TPRG1: variants seen among roughly 807,000 people sequenced by gnomAD.
TPRG1 encodes tumor protein p63 regulated 1.
TPRG1 carries 29 observed loss-of-function variants against 29.3 expected under a neutral mutation model. The ratio of observed to expected loss-of-function variants is 0.99; its 90% CI spans 0.74 to 1.35. TPRG1 has a LOEUF of 1.35. Ranked by LOEUF, TPRG1 falls within the 40% of genes most tolerant of loss-of-function variation. TPRG1 has a pLI of 0.00. For synonymous variants in TPRG1, 130 were observed against 116.8 expected (o/e 1.11, Z -0.73); for missense variants, 327 against 335.0 (o/e 0.98, Z 0.19).
chr3:189,092,016 G>A (rs1718367621), intron 4 of TPRG1, among the ~76,000 whole-genome samples: 1 of 152,042 alleles, frequency 6.6e-6, no homozygotes, highest in Non-Finnish European at 1.5e-5. Context: ...AAGAAATATT[G>A]TCCTCCTTTA....
chr3:189,089,589 T>G (rs1234923365), intron 4 of TPRG1, among the ~76,000 whole-genome samples: 1 of 152,112 alleles, frequency 6.6e-6, no homozygotes, highest in Non-Finnish European at 1.5e-5. Context: ...CCCTCCTTGC[T>G]GGTGGGGACT....
chr3:189,270,510 T>G (rs1317136526), intron 4 of TPRG1, among the ~76,000 whole-genome samples: 1 of 152,220 alleles, frequency 6.6e-6, no homozygotes, highest in Non-Finnish European at 1.5e-5. Flanking sequence ...CAGCACTGAA[T>G]GTGGAGCCCA....
At chr3:189,022,832 T>G (rs1713419627) in intron 3 of TPRG1, among the ~76,000 whole-genome samples, 1 of 152,242 alleles carries the variant, frequency 6.6e-6, no homozygotes. Context: ...CCAGCCTCGC[T>G]GCCGCCTTGC....
chr3:189,297,536 G>C (rs370534010), intron 4 of TPRG1, among the ~76,000 whole-genome samples: 27 of 152,118 alleles, frequency 1.8e-4, no homozygotes, highest in African/African-American at 6.5e-4. Flanking sequence ...TCACCTGGGA[G>C]CTCATTAGAT....
chr3:189,290,537 G>A lies in TPRG1; in HGVS notation c.480-19849G>A, dbSNP rs185810122. ...AGGAATAAATAGAACAAACAGATAC[G>A]TTTTCCATCGATGAAATCAGCAATT... On this transcript the variant is annotated intron_variant, in intron 4 of 5. Coordinates refer to ENST00000345063, the MANE Select transcript of TPRG1 (RefSeq NM_198485.4). Among the ~76,000 whole-genome samples the A allele has an allele frequency of 9.2e-5, 14 of 152,326 alleles. No homozygotes were observed. In the East Asian group the frequency reaches 1.7e-3, roughly 19 times the overall value.
chr3:189,213,678 A>G (rs549751222), intron 2 of TPRG1, among the ~76,000 whole-genome samples: 2 of 152,322 alleles, frequency 1.3e-5, no homozygotes, highest in South Asian at 4.1e-4. Context: ...CAATGTTAAT[A>G]GTTTCTATAT....
Position 189,125,904 on chromosome 3 carries a change from C to G in TPRG1, c.-743-1153C>G, listed in dbSNP as rs182036078. ...TATTTAGTTTTATTTTTTAAAATGT[C>G]TTTAGTGATCAGAAAAAAATGCTTC... On this transcript the variant is annotated intron_variant, in intron 1 of 6. Coordinates refer to the TPRG1 transcript ENST00000412373. Among the ~76,000 whole-genome samples the G allele has an allele frequency of 6.3e-4, 93 of 147,214 alleles. 1 individual carries two copies. The highest frequency in any genetic ancestry group is 1.1e-3 in the Non-Finnish European group (71 of 67,084).
intron 4 of TPRG1, among the ~76,000 whole-genome samples, chr3:189,036,678 G>C (rs1714289850): frequency 6.6e-6 from 1 of 151,810 alleles, no homozygotes; most frequent in African/African-American, 2.4e-5. Context: ...GAATTCTTTG[G>C]AAAGATGAGT....
At chr3:189,257,548 G>A (rs937339246) in intron 4 of TPRG1, among the ~76,000 whole-genome samples, 1 of 152,002 alleles carries the variant, frequency 6.6e-6, no homozygotes, top group African/African-American at 2.4e-5. Context: ...TTGACTGTTG[G>A]CCTGTCTTGC....
intron 1 of TPRG1, among the ~76,000 whole-genome samples, chr3:189,206,848 C>T (rs966906985): frequency 1.6e-4 from 20 of 125,620 alleles, no homozygotes; most frequent in Non-Finnish European, 2.5e-4. Flanking sequence ...TATGCATGTG[C>T]GTGTGTGTGA....
chr3:189,310,605 C>T (rs1027027374), intron 5 of TPRG1, 66 bp downstream of exon 5: 74 of 1,057,064 alleles, frequency 7.0e-5, no homozygotes, highest in African/African-American at 4.5e-4. Flanking sequence ...CTTCTAGGGA[C>T]GTGTACTCCT....
At chr3:189,112,180 T>C (rs943045105) in intron 1 of TPRG1, among the ~76,000 whole-genome samples, 3 of 152,188 alleles carry the variant, frequency 2.0e-5, no homozygotes, top group African/African-American at 7.2e-5. Context: ...ATACTTTTTA[T>C]AGGCTATTGA....
At chr3:189,258,166 G>T (rs1430978596) in intron 4 of TPRG1, among the ~76,000 whole-genome samples, 1 of 151,156 alleles carries the variant, frequency 6.6e-6, no homozygotes, top group Non-Finnish European at 1.5e-5. Context: ...TGCTGTTGGT[G>T]ACCTTCAGAT....
intron 1 of TPRG1, among the ~76,000 whole-genome samples, chr3:189,110,068 C>T (rs1016705087): frequency 6.6e-6 from 1 of 152,134 alleles, no homozygotes; most frequent in African/African-American, 2.4e-5. Flanking sequence ...AATAAAGCTG[C>T]TATAAACATT....
At chr3:189,105,185 G>A (rs555026708) in intron 1 of TPRG1, among the ~76,000 whole-genome samples, 69 of 152,164 alleles carry the variant, frequency 4.5e-4, no homozygotes, top group African/African-American at 1.6e-3. Context: ...GATAATTTGG[G>A]GAGATGAGAC....
chr3:189,310,466 C>T lies in TPRG1; in HGVS notation c.560C>T (p.Thr187Ile). The T allele has an allele frequency of 3.1e-6, 5 of 1,612,878 alleles. No homozygotes were observed. Among genetic ancestry groups the T allele is most frequent in the East Asian group, 2.2e-5 (1 of 44,846 alleles). The change falls in exon 5 of 6, where the codon ACT becomes ATT. Residue 187 changes from threonine (T) to isoleucine (I), a missense_variant. Transcript: ENST00000345063. The part of the protein sequence containing the change: ...SLLSRWNPWS[T>I]EVPYATFTEH... ...CTGTCCCGCTGGAACCCATGGTCCA[C>T]TGAAGTTCCTTATGCTACTTTCACT...
intron 4 of TPRG1, among the ~76,000 whole-genome samples, chr3:189,074,859 T>G (rs947946202): frequency 3.9e-5 from 6 of 152,162 alleles, no homozygotes; most frequent in Non-Finnish European, 2.9e-5. Flanking sequence ...TCGCCCAGGC[T>G]GGAGTGCAGT....
chr3:189,164,604 G>C (rs1003541989), intron 5 of TPRG1, among the ~76,000 whole-genome samples: 10 of 98,000 alleles, frequency 1.0e-4, no homozygotes, highest in Admixed American at 2.0e-4. Context: ...ATTGAAATAA[G>C]CTAAAAAAAA....
chr3:189,311,354 C>A (rs976932836), intron 5 of TPRG1, among the ~76,000 whole-genome samples: 2 of 152,276 alleles, frequency 1.3e-5, no homozygotes, highest in African/African-American at 4.8e-5. Context: ...CAGAATATTA[C>A]AATTCTTTAT....
Sources: allele counts gnomAD v4.1 joint callset (sites outside exome capture counted in the v4.1 genomes callset), GRCh38; gene constraint gnomAD v4.1.1; transcripts MANE v1.5; gene names NCBI Gene and HGNC (gene_info 2026-07-23, HGNC 2026-07-21).